The following FMNL2 variants were observed in gnomAD, a reference collection of about 807,000 sequenced individuals.
FMNL2 encodes the protein formin like 2, also known as formin-like protein 2.
FMNL2 carries 51 observed loss-of-function variants against 130.2 expected under a neutral mutation model. The ratio of observed to expected loss-of-function variants is 0.39; its 90% CI spans 0.31 to 0.49. The LOEUF (loss-of-function observed/expected upper bound fraction) is 0.49. Ranked by LOEUF, FMNL2 falls within the 20% of genes least tolerant of loss-of-function variation. The pLI is 0.85. For missense variants in FMNL2, 977 were observed against 1,316.2 expected (o/e 0.74, Z 3.99); for synonymous variants, 465 against 467.1 (o/e 1.00, Z 0.06).
chr2:152,598,491 C>G (rs1159689847), intron 9 of FMNL2, among the ~76,000 whole-genome samples: 1 of 152,122 alleles, frequency 6.6e-6, no homozygotes, highest in Non-Finnish European at 1.5e-5. Flanking sequence ...GAGTTCAAGA[C>G]CAGCCTGGCC....
At chr2:152,530,099 G>A (rs529903993) in intron 2 of FMNL2, among the ~76,000 whole-genome samples, 105 of 152,266 alleles carry the variant, frequency 6.9e-4, no homozygotes, top group Admixed American at 1.2e-3. Context: ...TTAATTGCCT[G>A]AGCTGGCTTA....
intron 1 of FMNL2, among the ~76,000 whole-genome samples, chr2:152,472,912 T>C (rs1689936344): frequency 6.6e-6 from 1 of 152,182 alleles, no homozygotes; most frequent in South Asian, 2.1e-4. Context: ...AAAATAGAAG[T>C]TTAAGGAACT....
intron 1 of FMNL2, among the ~76,000 whole-genome samples, chr2:152,479,594 GT>G (rs1372034152): frequency 2.6e-5 from 4 of 151,836 alleles, no homozygotes; most frequent in Admixed American, 6.6e-5. Context: ...CGACTTTGAT[GT>G]TTTTACATTC....
chr2:152,423,542 G>A (rs1214461855), intron 1 of FMNL2, among the ~76,000 whole-genome samples: 1 of 152,194 alleles, frequency 6.6e-6, no homozygotes, highest in Non-Finnish European at 1.5e-5. Flanking sequence ...AACAGCCAGA[G>A]CTTCAGATAG....
At chr2:152,397,906 C>T (rs1477528870) in intron 1 of FMNL2, among the ~76,000 whole-genome samples, 1 of 152,154 alleles carries the variant, frequency 6.6e-6, no homozygotes, top group Non-Finnish European at 1.5e-5. Context: ...GGCGGATCAC[C>T]TGAGGTCAGG....
rs974334956 is a variant in FMNL2, at chr2:152,572,090, C to A, written c.597-3046C>A. Among the ~76,000 whole-genome samples, 18 of 152,166 alleles carry A rather than the reference C, an allele frequency of 1.2e-4. No homozygotes were observed. In the East Asian group the frequency reaches 2.9e-3, roughly 24 times the overall value. On this transcript the variant is annotated intron_variant, in intron 6 of 25. Transcript: ENST00000288670. ...TGAGTTTTTCTAATGATATTTGGTT[C>A]TTCAGTCCTGTGTATTGTGGAGGGA...
intron 6 of FMNL2, among the ~76,000 whole-genome samples, chr2:152,572,173 C>G (rs976365924): frequency 6.6e-6 from 1 of 152,090 alleles, no homozygotes; most frequent in African/African-American, 2.4e-5. Context: ...AGGACCAGCT[C>G]TCCATCTAAA....
At chr2:152,414,626 C>T (rs1376530059) in intron 1 of FMNL2, among the ~76,000 whole-genome samples, 7 of 152,120 alleles carry the variant, frequency 4.6e-5, no homozygotes, top group African/African-American at 7.2e-5. Flanking sequence ...TTTGAATGAC[C>T]AGGTCCACCT....
chr2:152,624,039 CCCTT>C (rs1559019420), intron 15 of FMNL2, among the ~76,000 whole-genome samples: 22 of 33,378 alleles, frequency 6.6e-4, no homozygotes, highest in African/African-American at 1.1e-3. Context: ...ACAATTCCTT[CCCTT>C]CCCTCCCCTC....
chr2:152,490,340 T>C (rs1444302519), intron 1 of FMNL2, among the ~76,000 whole-genome samples: 1 of 152,040 alleles, frequency 6.6e-6, no homozygotes, highest in Non-Finnish European at 1.5e-5. Context: ...GGATATGCTA[T>C]TTGTGTTCAT....
rs1286360435 is a variant in FMNL2 at position 152,622,364 on chromosome 2, T to C, written c.1837+2646T>C. Among the ~76,000 whole-genome samples the C allele has an allele frequency of 2.0e-5, 3 of 152,246 alleles. No homozygotes were observed. The East Asian group carries it at 5.8e-4, about 29-fold the overall frequency. On this transcript the variant is annotated intron_variant, in intron 15 of 25. Coordinates refer to ENST00000288670, the MANE Select transcript of FMNL2 (RefSeq NM_052905.4). ...AGGATAATTTTAAAAATGAAATAGT[T>C]GAGTCTTGGAGGCAGGCCTGAATGG...
At chr2:152,484,575 C>T (rs2105251258) in intron 1 of FMNL2, among the ~76,000 whole-genome samples, 1 of 151,940 alleles carries the variant, frequency 6.6e-6, no homozygotes, top group East Asian at 1.9e-4. Flanking sequence ...GAGTTTGAGA[C>T]CATCCTGGGC....
intron 1 of FMNL2, among the ~76,000 whole-genome samples, chr2:152,339,179 G>A (rs1022099996): frequency 7.1e-6 from 1 of 141,530 alleles, no homozygotes; most frequent in Non-Finnish European, 1.6e-5. Context: ...AAAACATTAT[G>A]AGATTTATTT....
At chr2:152,497,250 G>T (rs1451040389) in intron 1 of FMNL2, among the ~76,000 whole-genome samples, 1 of 152,122 alleles carries the variant, frequency 6.6e-6, no homozygotes, top group South Asian at 2.1e-4. Context: ...ACACATAGTA[G>T]TTTTCAGAAT....
At chr2:152,548,988 T>C (rs753827368) in intron 3 of FMNL2, 33 bp from the exon 4 acceptor site, 4 of 1,543,344 alleles carry the variant, frequency 2.6e-6, no homozygotes, top group South Asian at 2.4e-5. Flanking sequence ...GTTGCTAAAA[T>C]ATTTTGTGAG....
chr2:152,646,704 ATTTG>A (rs969641361), intron 25 of FMNL2, among the ~76,000 whole-genome samples: 10 of 152,172 alleles, frequency 6.6e-5, no homozygotes, highest in Admixed American at 1.3e-4. Context: ...TAATTCTGTT[ATTTG>A]TTTGTATTTC....
chr2:152,502,133 C>G (rs1167810420), intron 1 of FMNL2, among the ~76,000 whole-genome samples: 1 of 152,092 alleles, frequency 6.6e-6, no homozygotes, highest in Admixed American at 6.6e-5. Flanking sequence ...GGCGAGGTGG[C>G]GCTAACAGAG....
chr2:152,344,103 G>A (rs950703157), intron 1 of FMNL2, among the ~76,000 whole-genome samples: 11 of 152,174 alleles, frequency 7.2e-5, no homozygotes, highest in Non-Finnish European at 1.6e-4. Flanking sequence ...AGTGAGCTAT[G>A]ATCATGCCAC....
chr2:152,600,137 TGAAAA>T (rs1697974095), intron 9 of FMNL2, among the ~76,000 whole-genome samples: 1 of 152,176 alleles, frequency 6.6e-6, no homozygotes. Flanking sequence ...CACAAGGCCC[TGAAAA>T]GAAAACAGAA....
Sources: allele counts gnomAD v4.1 joint callset (sites outside exome capture counted in the v4.1 genomes callset), GRCh38; gene constraint gnomAD v4.1.1; transcripts MANE v1.5; gene names NCBI Gene and HGNC (gene_info 2026-07-23, HGNC 2026-07-21).